Variants in MVB12B observed in about 807,000 individuals in gnomAD.
MVB12B encodes the protein ESCRT-I complex subunit MVB12B.
A neutral mutation model predicts 41.6 loss-of-function variants in MVB12B; 16 were observed. That is an observed-to-expected ratio of 0.38 (90% CI 0.26 to 0.58). MVB12B has a LOEUF of 0.58. Ranked by LOEUF, MVB12B falls within the 20% of genes least tolerant of loss-of-function variation. The pLI is 0.62. For missense variants in MVB12B, 274 were observed against 380.2 expected (o/e 0.72, Z 2.32); for synonymous variants, 133 against 139.7 (o/e 0.95, Z 0.34).
In MVB12B at chr9:126,475,475, G is replaced by A. The variant is rs1181793149; in HGVS notation, c.758-5894G>A. Among the ~76,000 whole-genome samples, 5 of 152,208 alleles carry A rather than the reference G, an allele frequency of 3.3e-5. 1 individual carries two copies. In the South Asian group the frequency reaches 8.3e-4, roughly 25 times the overall value. On this transcript the variant is annotated intron_variant, in intron 7 of 9. Coordinates refer to ENST00000361171, the MANE Select transcript of MVB12B (RefSeq NM_033446.3). Reference sequence around the variant, plus strand: ...GAGAAAATTTGTAAGATGCTTTGCTGAAATCCATATTATTTCAGCCTGCTT... The same window carrying A: ...GAGAAAATTTGTAAGATGCTTTGCTAAAATCCATATTATTTCAGCCTGCTT...
rs1225165800 is a variant in MVB12B at position 126,486,426 on chromosome 9, C to T, written c.873+2394C>T. Among the ~76,000 whole-genome samples the T allele has an allele frequency of 1.3e-5, 2 of 152,208 alleles. No homozygotes were observed. The highest frequency in any genetic ancestry group is 4.8e-5 in the African/African-American group (2 of 41,458). On this transcript the variant is annotated intron_variant, in intron 9 of 9. Transcript: ENST00000361171. The surrounding 1 kb of genome is among the most constrained non-coding windows in gnomAD (Gnocchi z 4.7). Reference sequence around the variant, plus strand: ...GTCACCAGGGCAGAGGTTACACTGACATACCTCCAGACCAGCCCGCTCCAC... The same window carrying T: ...GTCACCAGGGCAGAGGTTACACTGATATACCTCCAGACCAGCCCGCTCCAC...
In MVB12B at chr9:126,395,545, A is replaced by T. The variant is rs747261859; in HGVS notation, c.540-30A>T. The T allele has an allele frequency of 1.2e-6, 2 of 1,613,516 alleles. No homozygotes were observed. The highest frequency in any genetic ancestry group is 1.7e-6 in the Non-Finnish European group (2 of 1,179,704). Reference sequence around the variant, plus strand: ...CAGGTAAATGCTTTGTGCTAACCAGAGCCATGAAGATTTCTCTTTTTTCCT... The same window carrying T: ...CAGGTAAATGCTTTGTGCTAACCAGTGCCATGAAGATTTCTCTTTTTTCCT... On this transcript the variant is annotated intron_variant, in intron 5 of 9. Transcript: ENST00000361171. The surrounding 1 kb of genome is among the most constrained non-coding windows in gnomAD (Gnocchi z 4.9).
At chr9:126,370,498 C>T (rs1830306400) in intron 2 of MVB12B, among the ~76,000 whole-genome samples, 1 of 151,546 alleles carries the variant, frequency 6.6e-6, no homozygotes, top group Admixed American at 6.6e-5. Context: ...TCTCCTGCCT[C>T]AGCCTCCCGA....
At chr9:126,336,610 G>C (rs1467472518) in intron 1 of MVB12B, among the ~76,000 whole-genome samples, 1 of 152,212 alleles carries the variant, frequency 6.6e-6, no homozygotes, top group Admixed American at 6.5e-5. Context: ...CTTGCTCCTG[G>C]CTTTGTTGTG....
rs1833048676 is a variant in MVB12B at position 126,459,590 on chromosome 9, C to T, written c.758-21779C>T. ...TGTGTCTGAGGTCCCAGAGCCAAAG[C>T]CTCGGGAGGCTTGGGGCTAAGGATG... On this transcript the variant is annotated intron_variant, in intron 7 of 9. Transcript: ENST00000361171. This position sits in a 1 kb window ranked among gnomAD's most constrained non-coding sequence, Gnocchi z 4.3. Among the ~76,000 whole-genome samples the T allele has an allele frequency of 2.0e-5, 3 of 152,140 alleles. No individual in the cohort carries two copies. Among genetic ancestry groups the T allele is most frequent in the Admixed American group, 2.0e-4 (3 of 15,274 alleles).
In MVB12B at chr9:126,326,965, CCCGCCGCCGCCGCAG is replaced by C; in HGVS notation, c.39_53del (p.Gln17_Pro21del). 2 of 264,276 alleles carry C rather than the reference CCCGCCGCCGCCGCAG, an allele frequency of 7.6e-6. No individual in the cohort carries two copies. Among genetic ancestry groups the C allele is most frequent in the South Asian group, 3.2e-5 (1 of 30,962 alleles). The allele number at this position is 264,276 out of a possible 1,614,324, so 16.4% of individuals were successfully genotyped here. ...GCTTCTGCGTGAGACGGAGCCGGGACCCGCCGCCGCCGCAGCCACCGCCGCCGCCGCCCCAGCGGG... is the reference window on the plus strand; with the variant it reads ...GCTTCTGCGTGAGACGGAGCCGGGACCCACCGCCGCCGCCGCCCCAGCGGG... On this transcript the variant is annotated inframe_deletion, in exon 1 of 10. Transcript: ENST00000361171.
intron 6 of MVB12B, among the ~76,000 whole-genome samples, chr9:126,406,818 T>C (rs1831442339): frequency 6.6e-6 from 1 of 152,158 alleles, no homozygotes; most frequent in South Asian, 2.1e-4. Flanking sequence ...TGAAAGTTAG[T>C]TTCCTTTCTT....
At position 126,392,669 on chromosome 9, in the gene MVB12B, G is replaced by T. The variant is rs1830993910; in HGVS notation, c.539+474G>T. On this transcript the variant is annotated intron_variant, in intron 5 of 9. Transcript: ENST00000361171. This position sits in a 1 kb window ranked among gnomAD's most constrained non-coding sequence, Gnocchi z 4.8. ...GAGATAATTCCAGACAGTGAAGAAA[G>T]TGAAACACAATGATGGAGTGGGGGC... is the stretch of plus-strand genomic sequence containing the variant. Among the ~76,000 whole-genome samples the T allele has an allele frequency of 6.6e-6, 1 of 152,254 alleles. No homozygotes were observed. Among genetic ancestry groups the T allele is most frequent in the African/African-American group, 2.4e-5 (1 of 41,470 alleles).
intron 1 of MVB12B, among the ~76,000 whole-genome samples, chr9:126,328,207 A>C (rs1194666494): frequency 6.6e-6 from 1 of 152,170 alleles, no homozygotes; most frequent in Non-Finnish European, 1.5e-5. Context: ...GAGATACTGT[A>C]CCATGCTCAG....
intron 9 of MVB12B, among the ~76,000 whole-genome samples, chr9:126,489,508 A>G (rs1833687802): frequency 6.6e-6 from 1 of 152,242 alleles, no homozygotes; most frequent in Non-Finnish European, 1.5e-5. Context: ...TTAAAGTTAG[A>G]ATCAGTGGAT....
chr9:126,338,086 G>A (rs1230402377), intron 1 of MVB12B, among the ~76,000 whole-genome samples: 1 of 152,198 alleles, frequency 6.6e-6, no homozygotes, highest in Non-Finnish European at 1.5e-5. Flanking sequence ...GCCTTGGCTG[G>A]TGATGGCGCT....
At chr9:126,484,287 G>T (rs568907559) in intron 9 of MVB12B, among the ~76,000 whole-genome samples, 13 of 152,382 alleles carry the variant, frequency 8.5e-5, no homozygotes, top group Admixed American at 5.9e-4. Flanking sequence ...TTACATGACA[G>T]ACAGAGCCTC....
intron 6 of MVB12B, among the ~76,000 whole-genome samples, chr9:126,399,792 A>G (rs1461386410): frequency 6.6e-6 from 1 of 152,238 alleles, no homozygotes; most frequent in African/African-American, 2.4e-5. Flanking sequence ...TAAAGACATC[A>G]GAGGCATGCT....
rs541162508 is a variant in MVB12B, at chr9:126,392,782, C to G, written c.539+587C>G. Among the ~76,000 whole-genome samples the G allele has an allele frequency of 6.6e-6, 1 of 152,164 alleles. No individual in the cohort carries two copies. Among genetic ancestry groups the G allele is most frequent in the Non-Finnish European group, 1.5e-5 (1 of 68,034 alleles). ...CCATGCACAGATGTGAAGGCATAGT[C>G]TTTGAGGCAGAGCAGAAGCAGAAGG... On this transcript the variant is annotated intron_variant, in intron 5 of 9. Coordinates refer to ENST00000361171, the MANE Select transcript of MVB12B (RefSeq NM_033446.3). The surrounding 1 kb of genome is among the most constrained non-coding windows in gnomAD (Gnocchi z 4.8).
intron 3 of MVB12B, among the ~76,000 whole-genome samples, chr9:126,384,768 A>G (rs949411741): frequency 1.8e-4 from 27 of 151,300 alleles, no homozygotes; most frequent in African/African-American, 6.3e-4. Context: ...CCTGACCTCA[A>G]GTGATCCACC....
rs1344572909 is a variant in MVB12B at position 126,505,554 on chromosome 9, A to G, written c.*2291A>G. 1.3e-5 allele frequency: 2 copies of G among 152,238 alleles called. No homozygotes were observed. The highest frequency in any genetic ancestry group is 4.8e-5 in the African/African-American group (2 of 41,450). 9.4% of individuals were successfully genotyped at this position (152,238 alleles called of 1,614,324 possible). A position where few individuals can be genotyped will look rare whatever the true frequency, so the allele number is the denominator to read the frequency against. ...ACGGCAGCTTAAGATAAGTAAGCAGAGACAGTGTTAAGGACGAGTTGGTGT... is the reference window on the plus strand; with the variant it reads ...ACGGCAGCTTAAGATAAGTAAGCAGGGACAGTGTTAAGGACGAGTTGGTGT... On this transcript the variant is annotated 3_prime_UTR_variant, in exon 10 of 10. Coordinates refer to ENST00000361171, the MANE Select transcript of MVB12B (RefSeq NM_033446.3).
intron 9 of MVB12B, among the ~76,000 whole-genome samples, chr9:126,500,943 G>A (rs894868096): frequency 7.2e-5 from 11 of 152,190 alleles, no homozygotes; most frequent in Admixed American, 5.9e-4. Context: ...GGGCATGCCC[G>A]CCCCCTCCTC....
intron 9 of MVB12B, among the ~76,000 whole-genome samples, chr9:126,491,685 ATATATTGCTAAAAGACACAAAAC>A (rs1358389721): frequency 6.6e-6 from 1 of 152,200 alleles, no homozygotes; most frequent in Non-Finnish European, 1.5e-5. Context: ...GCTCCCTTTA[ATATATTGCTAAAAGACACAAAAC>A]TATCACCCAA....
In MVB12B at chr9:126,340,350, G is replaced by C. The variant is rs1392148889; in HGVS notation, c.82-158G>C. 6.6e-6 allele frequency among the ~76,000 whole-genome samples: 1 copy of C among 152,192 alleles called. No individual in the cohort carries two copies. Among genetic ancestry groups the C allele is most frequent in the African/African-American group, 2.4e-5 (1 of 41,448 alleles). Reference sequence around the variant, plus strand: ...CAGAGGTGATTTGAATTCTTGACCTGGGGAAAGGGTCACATAGGGTCAGGA... The same window carrying C: ...CAGAGGTGATTTGAATTCTTGACCTCGGGAAAGGGTCACATAGGGTCAGGA... On this transcript the variant is annotated intron_variant, in intron 1 of 9. Transcript: ENST00000361171. The surrounding 1 kb of genome is among the most constrained non-coding windows in gnomAD (Gnocchi z 4.0).
Sources: allele counts gnomAD v4.1 joint callset (sites outside exome capture counted in the v4.1 genomes callset), GRCh38; gene constraint gnomAD v4.1.1; non-coding constraint Gnocchi (gnomAD v3.1); transcripts MANE v1.5; gene names NCBI Gene and HGNC (gene_info 2026-07-23, HGNC 2026-07-21).